Variants in XRCC4 observed in about 807,000 individuals in gnomAD.
XRCC4 encodes the protein DNA repair protein XRCC4.
XRCC4 carries 28 observed loss-of-function variants against 39.1 expected under a neutral mutation model. That is an observed-to-expected ratio of 0.72 (90% CI 0.53 to 0.98). The LOEUF (loss-of-function observed/expected upper bound fraction) is 0.98, where lower values mean the gene tolerates loss of function less well. XRCC4 is among the 50% of genes least tolerant of loss of function. XRCC4 has a pLI of 0.00. For synonymous variants in XRCC4, 123 were observed against 126.4 expected (o/e 0.97, Z 0.18); for missense variants, 350 against 376.4 (o/e 0.93, Z 0.58).
chr5:83,134,000 G>A (rs1293941061), intron 3 of XRCC4, among the ~76,000 whole-genome samples: 2 of 152,208 alleles, frequency 1.3e-5, no homozygotes, highest in African/African-American at 2.4e-5. Flanking sequence ...GCGGGCTGGT[G>A]TGGGTTCCAG....
intron 1 of XRCC4, among the ~76,000 whole-genome samples, chr5:83,099,861 CT>C (rs1415192651): frequency 1.3e-5 from 2 of 152,158 alleles, no homozygotes; most frequent in African/African-American, 4.8e-5. Flanking sequence ...GGGCAAAAAA[CT>C]ATGGCTGACT....
chr5:83,116,362 A>G (rs1423164620), intron 3 of XRCC4, among the ~76,000 whole-genome samples: 2 of 152,168 alleles, frequency 1.3e-5, no homozygotes, highest in African/African-American at 4.8e-5. Context: ...TCTGGGAGTC[A>G]GGGTTTTAGG....
chr5:83,241,025 C>T (rs929185469), intron 6 of XRCC4, among the ~76,000 whole-genome samples: 1 of 152,022 alleles, frequency 6.6e-6, no homozygotes, highest in Non-Finnish European at 1.5e-5. Flanking sequence ...CAGTTGAGGT[C>T]AGGAGTTTGA....
At chr5:83,129,806 T>C (rs1365651011) in intron 3 of XRCC4, among the ~76,000 whole-genome samples, 9 of 152,166 alleles carry the variant, frequency 5.9e-5, no homozygotes, top group Non-Finnish European at 1.2e-4. Flanking sequence ...GTGATTTTTG[T>C]ACATTGATTT....
intron 3 of XRCC4, among the ~76,000 whole-genome samples, chr5:83,143,933 G>A (rs1005588985): frequency 6.6e-6 from 1 of 151,764 alleles, no homozygotes; most frequent in South Asian, 2.1e-4. Flanking sequence ...AGGTTTTAGG[G>A]TACAGGTGGT....
chr5:83,276,885 T>G (rs1754354633), intron 7 of XRCC4, among the ~76,000 whole-genome samples: 1 of 152,192 alleles, frequency 6.6e-6, no homozygotes, highest in African/African-American at 2.4e-5. Flanking sequence ...AATCTTGTTA[T>G]AATTTGTTGC....
chr5:83,167,547 G>C (rs996695468), intron 3 of XRCC4, among the ~76,000 whole-genome samples: 3 of 152,156 alleles, frequency 2.0e-5, no homozygotes, highest in African/African-American at 7.2e-5. Flanking sequence ...GGGGTCATTT[G>C]GTCTATACAT....
chr5:83,193,504 G>A (rs1428490630), intron 3 of XRCC4, among the ~76,000 whole-genome samples: 1 of 152,128 alleles, frequency 6.6e-6, no homozygotes, highest in Non-Finnish European at 1.5e-5. Context: ...AGATCTAAGA[G>A]GGTTTTGGAA....
intron 7 of XRCC4, among the ~76,000 whole-genome samples, chr5:83,272,303 C>G (rs182416113): frequency 1.3e-5 from 2 of 152,116 alleles, no homozygotes; most frequent in African/African-American, 2.4e-5. Flanking sequence ...GTCATACCCC[C>G]CCAAACCCTG....
At chr5:83,144,067 C>T (rs80206874) in intron 3 of XRCC4, among the ~76,000 whole-genome samples, 1 of 151,940 alleles carries the variant, frequency 6.6e-6, no homozygotes, top group Non-Finnish European at 1.5e-5. Context: ...TGCCTTCCCC[C>T]CTTCTGAGTC....
At chr5:83,249,959 C>G (rs908943496) in intron 6 of XRCC4, among the ~76,000 whole-genome samples, 5 of 151,924 alleles carry the variant, frequency 3.3e-5, no homozygotes, top group African/African-American at 1.2e-4. Flanking sequence ...TCAATGAAAG[C>G]CTCTCTAAGC....
chr5:83,269,226 T>C (rs1043907378), intron 7 of XRCC4, among the ~76,000 whole-genome samples: 40 of 152,082 alleles, frequency 2.6e-4, no homozygotes, highest in African/African-American at 9.2e-4. Context: ...TAGACAATGG[T>C]TATAGGCCTC....
chr5:83,303,212 C>CAAAA (rs760220069), intron 7 of XRCC4, among the ~76,000 whole-genome samples: 2 of 62,864 alleles, frequency 3.2e-5, no homozygotes, highest in African/African-American at 4.5e-5. Flanking sequence ...GACTCCGTCT[C>CAAAA]AAAAAAAAAA....
intron 7 of XRCC4, among the ~76,000 whole-genome samples, chr5:83,273,404 G>A (rs143426371): frequency 0.033 from 4,948 of 152,186 alleles, 164 homozygotes; most frequent in African/African-American, 0.085. Context: ...TTCTTTTGCC[G>A]TGCAGAAGCT....
intron 7 of XRCC4, among the ~76,000 whole-genome samples, chr5:83,292,390 T>G (rs1402190492): frequency 6.6e-6 from 1 of 151,966 alleles, no homozygotes; most frequent in Non-Finnish European, 1.5e-5. Flanking sequence ...GTCAGTATAA[T>G]TGGGATTGAC....
chr5:83,267,562 T>G (rs1753998912), intron 7 of XRCC4, among the ~76,000 whole-genome samples: 1 of 152,150 alleles, frequency 6.6e-6, no homozygotes, highest in South Asian at 2.1e-4. Flanking sequence ...CTTTCTTCCT[T>G]CTCAGCCATT....
At chr5:83,267,476 T>C (rs888341837) in intron 7 of XRCC4, among the ~76,000 whole-genome samples, 1 of 152,086 alleles carries the variant, frequency 6.6e-6, no homozygotes, top group Non-Finnish European at 1.5e-5. Flanking sequence ...CCATTGCTAA[T>C]GAGATATAAA....
chr5:83,282,502 A>G (rs1254621468), intron 7 of XRCC4, among the ~76,000 whole-genome samples: 3 of 152,042 alleles, frequency 2.0e-5, no homozygotes, highest in African/African-American at 7.2e-5. Context: ...GTACATATTA[A>G]GGTTCCATGT....
At chr5:83,290,402 A>T (rs1436079954) in intron 7 of XRCC4, among the ~76,000 whole-genome samples, 1 of 151,000 alleles carries the variant, frequency 6.6e-6, no homozygotes. Flanking sequence ...TAGAAACTTA[A>T]ATATCTATAT....
Sources: allele counts gnomAD v4.1 joint callset (sites outside exome capture counted in the v4.1 genomes callset), GRCh38; gene constraint gnomAD v4.1.1; transcripts MANE v1.5; gene names NCBI Gene and HGNC (gene_info 2026-07-23, HGNC 2026-07-21).